The following CELF2 variants were observed in gnomAD, a reference collection of about 807,000 sequenced individuals.
The protein encoded by CELF2 is CUGBP Elav-like family member 2.
Under a neutral mutation model 62.6 loss-of-function variants are expected in CELF2, and 8 were observed. The observed-to-expected ratio is 0.13, with a 90% CI of 0.07 to 0.23. CELF2 has a LOEUF of 0.23. Among genes scored for constraint, CELF2 ranks in the 10% least tolerant of loss-of-function variants. The pLI is 1.00. For missense variants in CELF2, 333 were observed against 671.0 expected (o/e 0.50, Z 5.56); for synonymous variants, 258 against 250.0 (o/e 1.03, Z -0.30).
the CELF2 span, among the ~76,000 whole-genome samples, chr10:10,523,043 G>A: frequency 1.3e-5 from 2 of 152,178 alleles, no homozygotes; most frequent in African/African-American, 4.8e-5. Context: ...TAAAAGTAAG[G>A]TTTGATTCTG....
At chr10:10,565,524 G>A in the CELF2 span, among the ~76,000 whole-genome samples, 1 of 152,210 alleles carries the variant, frequency 6.6e-6, no homozygotes, top group Non-Finnish European at 1.5e-5. Flanking sequence ...CAGATGTGTT[G>A]GATGAGCAAC....
At chr10:10,509,835 G>A in the CELF2 span, among the ~76,000 whole-genome samples, 1 of 152,142 alleles carries the variant, frequency 6.6e-6, no homozygotes, top group Non-Finnish European at 1.5e-5. Context: ...AGTACATTGA[G>A]GGTGAATTCC....
At chr10:10,730,411 A>T in the CELF2 span, among the ~76,000 whole-genome samples, 31 of 152,212 alleles carry the variant, frequency 2.0e-4, no homozygotes, top group Non-Finnish European at 3.8e-4. Context: ...CGGGAGGCAG[A>T]AGTTGCAGTG....
At chr10:10,769,991 T>TG in the CELF2 span, among the ~76,000 whole-genome samples, 1 of 151,950 alleles carries the variant, frequency 6.6e-6, no homozygotes, top group Admixed American at 6.6e-5. Flanking sequence ...TACATGGTGA[T>TG]GGGGGGTTAG....
chr10:11,061,164 G>A (rs950093418), intron 1 of CELF2, among the ~76,000 whole-genome samples: 4 of 152,220 alleles, frequency 2.6e-5, no homozygotes, highest in African/African-American at 9.6e-5. Context: ...AAAAGTTCTT[G>A]AAGGAGATTG....
At chr10:11,197,636 C>T (rs144521266) in intron 2 of CELF2, among the ~76,000 whole-genome samples, 3,402 of 152,322 alleles carry the variant, frequency 0.022, 59 homozygotes, top group Admixed American at 0.053. Flanking sequence ...TGGGCTCCCC[C>T]GCCTGATCCG....
At chr10:10,768,295 G>A in the CELF2 span, among the ~76,000 whole-genome samples, 4 of 151,968 alleles carry the variant, frequency 2.6e-5, no homozygotes, top group Non-Finnish European at 5.9e-5. Context: ...TATCTAAATA[G>A]CATCTCAGCA....
At position 10,808,953 on chromosome 10, in the gene CELF2, T is replaced by A. The variant is rs1409561077; in HGVS notation, c.53+10136T>A. Among the ~76,000 whole-genome samples the A allele has an allele frequency of 4.6e-5, 7 of 152,184 alleles. No individual in the cohort carries two copies. In the East Asian group the frequency reaches 7.7e-4, roughly 17 times the overall value. On this transcript the variant is annotated intron_variant, in intron 1 of 13. Coordinates refer to the CELF2 transcript ENST00000636488. ...TTTAAAAATTTTATACATAAATCCA[T>A]TTGATCTTAGCAAGTCTTGACATTT...
chr10:10,475,635 C>T, the CELF2 span, among the ~76,000 whole-genome samples: 1 of 151,948 alleles, frequency 6.6e-6, no homozygotes, highest in South Asian at 2.1e-4. Context: ...ACATGTCATG[C>T]AGTAATTAAA....
At chr10:11,275,998 G>T (rs557838283) in intron 8 of CELF2, among the ~76,000 whole-genome samples, 1 of 152,192 alleles carries the variant, frequency 6.6e-6, no homozygotes, top group Non-Finnish European at 1.5e-5. Flanking sequence ...AACCAAGCAC[G>T]GTTTGTGTTA....
At chr10:10,562,805 GC>G in the CELF2 span, among the ~76,000 whole-genome samples, 1 of 152,012 alleles carries the variant, frequency 6.6e-6, no homozygotes, top group African/African-American at 2.4e-5. Context: ...GCCCTCCACA[GC>G]CTACCTCCCT....
chr10:10,743,253 A>T, the CELF2 span, among the ~76,000 whole-genome samples: 1 of 152,372 alleles, frequency 6.6e-6, no homozygotes, highest in East Asian at 1.9e-4. Flanking sequence ...AAATATAGCC[A>T]GTGGTCTCTA....
the CELF2 span, among the ~76,000 whole-genome samples, chr10:10,788,303 A>G: frequency 6.6e-6 from 1 of 152,222 alleles, no homozygotes; most frequent in South Asian, 2.1e-4. Flanking sequence ...GGGTGACTAA[A>G]TAGAATAATA....
chr10:11,208,973 C>G (rs1004357244), intron 2 of CELF2, among the ~76,000 whole-genome samples: 2 of 152,180 alleles, frequency 1.3e-5, no homozygotes, highest in Non-Finnish European at 2.9e-5. Context: ...AACTTCTTCT[C>G]ATTTTATTTT....
intron 1 of CELF2, among the ~76,000 whole-genome samples, chr10:10,857,648 A>ATATATAT (rs1564727117): frequency 1.5e-4 from 6 of 38,814 alleles, no homozygotes; most frequent in African/African-American, 6.2e-4. Flanking sequence ...ACATATATAT[A>ATATATAT]GTATATATAT....
At chr10:10,612,085 T>A in the CELF2 span, among the ~76,000 whole-genome samples, 1 of 152,218 alleles carries the variant, frequency 6.6e-6, no homozygotes, top group Non-Finnish European at 1.5e-5. Flanking sequence ...CCTTCAAGTC[T>A]ACTTATTGAA....
chr10:10,640,950 C>T, the CELF2 span, among the ~76,000 whole-genome samples: 1 of 151,976 alleles, frequency 6.6e-6, no homozygotes, highest in African/African-American at 2.4e-5. Context: ...CTTTGAGGGC[C>T]AAAGAGATCT....
the CELF2 span, among the ~76,000 whole-genome samples, chr10:10,564,658 ACACACACACACACACG>A: frequency 9.8e-6 from 1 of 102,190 alleles, no homozygotes; most frequent in African/African-American, 4.8e-5. Context: ...ACACACACAC[ACACACACACACACACG>A]CACACACGCA....
chr10:11,160,453 G>T (rs1487769436), intron 1 of CELF2, among the ~76,000 whole-genome samples: 1 of 151,862 alleles, frequency 6.6e-6, no homozygotes, highest in Non-Finnish European at 1.5e-5. Context: ...ACTCTAATCA[G>T]TAAAAAACAA....
Sources: gnomAD v4.1 joint callset for allele counts (sites outside exome capture counted in the v4.1 genomes callset) on GRCh38, gnomAD v4.1.1 for gene constraint, MANE v1.5 for transcripts, NCBI Gene and HGNC (gene_info 2026-07-23, HGNC 2026-07-21) for gene names.